Variants in MCF2L observed in about 807,000 individuals in gnomAD.
MCF2L encodes MCF.2 cell line derived transforming sequence like.
MCF2L carries 97 observed loss-of-function variants against 153.4 expected under a neutral mutation model. The observed-to-expected ratio is 0.63, with a 90% CI of 0.54 to 0.75. The LOEUF (loss-of-function observed/expected upper bound fraction) is 0.75, where lower values mean the gene tolerates loss of function less well. Ranked by LOEUF, MCF2L falls within the 30% of genes least tolerant of loss-of-function variation. The pLI is 0.00. For synonymous variants in MCF2L, 659 were observed against 632.2 expected, an observed-to-expected ratio of 1.04 and a Z score of -0.64; for missense variants, 1,347 against 1,495.2, an observed-to-expected ratio of 0.90 and a Z score of 1.64.
intron 1 of MCF2L, among the ~76,000 whole-genome samples, chr13:112,970,444 C>T (rs1015496527): frequency 3.9e-5 from 6 of 152,186 alleles, no homozygotes; most frequent in African/African-American, 1.4e-4. Flanking sequence ...ATCAAAGCTG[C>T]TGGGTTTATT....
intron 8 of MCF2L, among the ~76,000 whole-genome samples, chr13:113,069,410 C>G (rs1021273368): frequency 8.6e-5 from 4 of 46,358 alleles, no homozygotes; most frequent in African/African-American, 4.1e-4. Context: ...CGCAGTGAGC[C>G]GAGATTGCAC....
At chr13:112,963,422 G>A (rs1295693042) in intron 2 of MCF2L, among the ~76,000 whole-genome samples, 1 of 152,188 alleles carries the variant, frequency 6.6e-6, no homozygotes, top group Non-Finnish European at 1.5e-5. Context: ...TCTTTGCTCA[G>A]GACTCCACAG....
intron 2 of MCF2L, among the ~76,000 whole-genome samples, chr13:112,908,844 G>A (rs2081200320): frequency 6.6e-6 from 1 of 151,536 alleles, no homozygotes; most frequent in South Asian, 2.1e-4. Context: ...TCCTGCCTCA[G>A]CCTCCCAAGT....
chr13:113,016,517 T>A (rs888087611), intron 2 of MCF2L, among the ~76,000 whole-genome samples: 8 of 152,132 alleles, frequency 5.3e-5, no homozygotes, highest in African/African-American at 1.7e-4. Flanking sequence ...AGCTGATAAG[T>A]GCCTGAGCGT....
At position 112,931,718 on chromosome 13, in the gene MCF2L, A is replaced by G. The variant is rs577322269; in HGVS notation, c.169+29347A>G. On this transcript the variant is annotated intron_variant, in intron 2 of 29. Coordinates refer to the MCF2L transcript ENST00000375608. ...TCTTAGAGAAACCGCAGATTCCAGG[A>G]TGGAGGCAGGAAGTATGCAAGATGA... is the stretch of plus-strand genomic sequence containing the variant. Among the ~76,000 whole-genome samples, 25 of 152,294 alleles carry G rather than the reference A, an allele frequency of 1.6e-4. 1 individual carries two copies. The highest frequency in any genetic ancestry group is 2.6e-4 in the Non-Finnish European group (18 of 68,018).
intron 27 of MCF2L, 143 bp from the exon 28 acceptor site, chr13:113,096,228 C>A (rs903093868): frequency 6.0e-6 from 4 of 665,954 alleles, no homozygotes; most frequent in South Asian, 1.8e-5. Context: ...CCTCCCAAGG[C>A]TGGAGCCCTT....
intron 2 of MCF2L, among the ~76,000 whole-genome samples, chr13:113,023,514 G>C (rs114373251): frequency 6.6e-6 from 1 of 152,128 alleles, no homozygotes; most frequent in African/African-American, 2.4e-5. Flanking sequence ...GGGGACTGTC[G>C]CTGTTACGAG....
chr13:113,063,445 GCGTCCCTGTC>G lies in MCF2L; in HGVS notation c.490-857_490-848del, dbSNP rs1566828142. Among the ~76,000 whole-genome samples, 29 of 111,998 alleles carry G rather than the reference GCGTCCCTGTC, an allele frequency of 2.6e-4. No individual in the cohort carries two copies. The East Asian group carries it at 0.014, about 53-fold the overall frequency. The allele number at this position is 111,998 out of a possible 152,430, so 73.5% of individuals were successfully genotyped here. On this transcript the variant is annotated intron_variant, in intron 5 of 29. Coordinates refer to ENST00000535094, the MANE Select transcript of MCF2L (RefSeq NM_001112732.3). ...CCACACAGCCGCCCACAGCGTTCAG[GCGTCCCTGTC>G]CACACAGCCGCCCACAGCGTTCAGG...
chr13:112,948,179 C>A (rs1781201385), intron 2 of MCF2L, among the ~76,000 whole-genome samples: 1 of 152,186 alleles, frequency 6.6e-6, no homozygotes, highest in African/African-American at 2.4e-5. Context: ...CTCCGAAATG[C>A]CCTTGGGGCC....
intron 9 of MCF2L, among the ~76,000 whole-genome samples, chr13:113,071,059 G>A (rs2032866844): frequency 1.3e-5 from 2 of 152,072 alleles, no homozygotes; most frequent in African/African-American, 4.8e-5. Flanking sequence ...GCACGTGGTG[G>A]GGTAGTGATT....
intron 4 of MCF2L, among the ~76,000 whole-genome samples, chr13:113,048,128 T>G (rs1330192561): frequency 6.6e-6 from 1 of 152,244 alleles, no homozygotes; most frequent in African/African-American, 2.4e-5. Flanking sequence ...GACCCGTGAT[T>G]TAGGTGTCGA....
At chr13:112,925,743 C>T (rs531777785) in intron 2 of MCF2L, among the ~76,000 whole-genome samples, 17 of 152,118 alleles carry the variant, frequency 1.1e-4, no homozygotes, top group South Asian at 4.2e-4. Flanking sequence ...TACATACATA[C>T]GTTTGATGTG....
intron 1 of MCF2L, among the ~76,000 whole-genome samples, chr13:112,971,538 C>G (rs755039394): frequency 1.3e-5 from 2 of 152,188 alleles, no homozygotes; most frequent in Non-Finnish European, 2.9e-5. Flanking sequence ...TAGATTCACC[C>G]CCAACCCACA....
rs1398411758 is a variant in MCF2L, at chr13:113,035,102, T to G, written c.279-10169T>G. 1.3e-5 allele frequency among the ~76,000 whole-genome samples: 2 copies of G among 152,080 alleles called. No individual in the cohort carries two copies. The highest frequency in any genetic ancestry group is 4.8e-5 in the African/African-American group (2 of 41,402). On this transcript the variant is annotated intron_variant, in intron 3 of 29. Coordinates refer to ENST00000535094, the MANE Select transcript of MCF2L (RefSeq NM_001112732.3). This position sits in a 1 kb window ranked among gnomAD's most constrained non-coding sequence, Gnocchi z 4.4. ...AGCACCCCCGTGCAGACCTCACCATTCCCGACGGGAACACTTGTGATATTC... is the reference window on the plus strand; with the variant it reads ...AGCACCCCCGTGCAGACCTCACCATGCCCGACGGGAACACTTGTGATATTC...
chr13:112,969,859 C>G lies in MCF2L; in HGVS notation c.79+401C>G, dbSNP rs2081980848. Among the ~76,000 whole-genome samples, 2 of 152,156 alleles carry G rather than the reference C, an allele frequency of 1.3e-5. No individual in the cohort carries two copies. Among genetic ancestry groups the G allele is most frequent in the Non-Finnish European group, 2.9e-5 (2 of 68,032 alleles). On this transcript the variant is annotated intron_variant, in intron 1 of 29. Coordinates refer to ENST00000535094, the MANE Select transcript of MCF2L (RefSeq NM_001112732.3). This position sits in a 1 kb window ranked among gnomAD's most constrained non-coding sequence, Gnocchi z 4.8. ...CCAGGGGTAGGGATGGTGAAGCTAC[C>G]TGGAAGCTCGTTTTGAGGATGAAAA...
chr13:113,088,894 C>T (rs2034906131), intron 25 of MCF2L, among the ~76,000 whole-genome samples: 1 of 152,242 alleles, frequency 6.6e-6, no homozygotes, highest in Admixed American at 6.5e-5. Flanking sequence ...CTGTCCAGAT[C>T]ACAGCCACGC....
chr13:113,082,375 C>T, intron 16 of MCF2L, 52 bp from the exon 17 acceptor site: 1 of 1,085,400 alleles, frequency 9.2e-7, no homozygotes, highest in Non-Finnish European at 1.4e-6. Flanking sequence ...CCACCTGCCC[C>T]CCCACAGCAT....
chr13:113,066,876 C>T (rs1488569286), intron 8 of MCF2L, among the ~76,000 whole-genome samples: 1 of 152,256 alleles, frequency 6.6e-6, no homozygotes, highest in African/African-American at 2.4e-5. Context: ...AGGCCTGGAC[C>T]AAGCTGGTCC....
chr13:113,096,799 G>A lies in MCF2L; in HGVS notation c.3318G>A (p.Leu1106=), dbSNP rs778778386. The A allele has an allele frequency of 2.4e-5, 37 of 1,559,870 alleles. No homozygotes were observed. The highest frequency in any genetic ancestry group is 3.2e-5 in the Non-Finnish European group (37 of 1,163,226). ...SSESSPGSAV[L]SNSSSCSEGG... ...AGTCGAGCCCGGGGTCGGCCGTGCTGAGCAACTCGTCCAGCTGCAGCGAGG... is the reference window on the plus strand; with the variant it reads ...AGTCGAGCCCGGGGTCGGCCGTGCTAAGCAACTCGTCCAGCTGCAGCGAGG... The change falls in exon 30 of 30, where the codon CTG becomes CTA. Residue 1106 remains leucine (L), a synonymous_variant. Transcript: ENST00000535094.
Sources: gnomAD v4.1 joint callset for allele counts (sites outside exome capture counted in the v4.1 genomes callset) on GRCh38, gnomAD v4.1.1 for gene constraint, Gnocchi (gnomAD v3.1) non-coding constraint, MANE v1.5 for transcripts, NCBI Gene and HGNC (gene_info 2026-07-23, HGNC 2026-07-21) for gene names.